TSHZ2: variants seen among roughly 807,000 people sequenced by gnomAD.
TSHZ2 encodes teashirt homolog 2.
TSHZ2 carries 21 observed loss-of-function variants against 74.4 expected under a neutral mutation model. That is an observed-to-expected ratio of 0.28 (90% CI 0.20 to 0.41). The LOEUF (loss-of-function observed/expected upper bound fraction) is 0.41. TSHZ2 is among the 10% of genes least tolerant of loss of function. The pLI is 1.00. For synonymous variants in TSHZ2, 540 were observed against 515.3 expected (o/e 1.05, Z -0.65); for missense variants, 1,244 against 1,293.5 (o/e 0.96, Z 0.59).
intron 1 of TSHZ2, among the ~76,000 whole-genome samples, chr20:53,065,804 G>C (rs970711217): frequency 6.6e-6 from 1 of 152,158 alleles, no homozygotes; most frequent in African/African-American, 2.4e-5. Context: ...TTTCACAACT[G>C]AATTAAATTC....
At chr20:53,172,999 G>A (rs888984372) in intron 1 of TSHZ2, among the ~76,000 whole-genome samples, 2 of 152,138 alleles carry the variant, frequency 1.3e-5, no homozygotes, top group Admixed American at 6.5e-5. Context: ...TCAATTTCCT[G>A]TTCTGTACAG....
chr20:53,073,383 TTCA>T (rs1404915063), intron 1 of TSHZ2, among the ~76,000 whole-genome samples: 1 of 140,802 alleles, frequency 7.1e-6, no homozygotes, highest in Non-Finnish European at 1.6e-5. Flanking sequence ...CCTCCATCCA[TTCA>T]TCATTTAATC....
chr20:53,472,178 GCTA>G (rs1033111966), intron 2 of TSHZ2, among the ~76,000 whole-genome samples: 4 of 152,184 alleles, frequency 2.6e-5, no homozygotes, highest in Non-Finnish European at 5.9e-5. Context: ...CACTTTGTTT[GCTA>G]TATGGAAAGT....
Position 53,212,848 on chromosome 20 carries a change from G to A in TSHZ2, c.41-40651G>A, listed in dbSNP as rs188720728. ...GTCTTATTTTTCAGAATTGGCTCAG[G>A]AACCCATCCCTGGACCACTCCTTGG... On this transcript the variant is annotated intron_variant, in intron 1 of 2. Transcript: ENST00000371497. Among the ~76,000 whole-genome samples the A allele has an allele frequency of 2.6e-3, 403 of 152,252 alleles. 6 individuals are homozygous for A. The highest frequency in any genetic ancestry group is 9.5e-3 in the African/African-American group (394 of 41,540).
intron 1 of TSHZ2, among the ~76,000 whole-genome samples, chr20:52,994,029 G>A (rs1463209903): frequency 6.6e-6 from 1 of 152,222 alleles, no homozygotes; most frequent in African/African-American, 2.4e-5. Context: ...AAACTGCTTG[G>A]AGGAAGAAGG....
chr20:53,337,650 C>T (rs965059001), intron 2 of TSHZ2, among the ~76,000 whole-genome samples: 3 of 152,168 alleles, frequency 2.0e-5, no homozygotes, highest in Non-Finnish European at 4.4e-5. Context: ...TGAACAACCA[C>T]GTGTGGCTCA....
chr20:53,469,244 A>G (rs534014521), intron 2 of TSHZ2, among the ~76,000 whole-genome samples: 2 of 151,492 alleles, frequency 1.3e-5, no homozygotes, highest in East Asian at 3.9e-4. Context: ...TATGTGGTGG[A>G]TCAAAAATGA....
chr20:53,310,091 A>C (rs1457075166), intron 2 of TSHZ2, among the ~76,000 whole-genome samples: 1 of 152,268 alleles, frequency 6.6e-6, no homozygotes, highest in Non-Finnish European at 1.5e-5. Flanking sequence ...TATTCTAAAG[A>C]ACATGCTTTG....
chr20:53,331,570 C>T (rs1218752613), intron 2 of TSHZ2, among the ~76,000 whole-genome samples: 1 of 152,032 alleles, frequency 6.6e-6, no homozygotes, highest in Non-Finnish European at 1.5e-5. Flanking sequence ...ACAAAAGAGC[C>T]AGGCGTAGAG....
intron 2 of TSHZ2, among the ~76,000 whole-genome samples, chr20:53,267,336 G>A (rs1216551673): frequency 2.0e-5 from 3 of 152,246 alleles, no homozygotes; most frequent in African/African-American, 7.2e-5. Context: ...CTGAAAGAAA[G>A]CCAGTGAGCT....
chr20:53,183,838 T>C lies in TSHZ2; in HGVS notation c.41-69661T>C, dbSNP rs542397504. On this transcript the variant is annotated intron_variant, in intron 1 of 2. Coordinates refer to ENST00000371497, the MANE Select transcript of TSHZ2 (RefSeq NM_173485.6). ...TAGAGTAGCCAGGATGGGTCAACCA[T>C]TCGAAGGAAACAAAGGTGTGAGAGC... Among the ~76,000 whole-genome samples, 3 of 152,316 alleles carry C rather than the reference T, an allele frequency of 2.0e-5. No individual in the cohort carries two copies. In the East Asian group the frequency reaches 5.8e-4, roughly 29 times the overall value.
chr20:53,281,256 A>G (rs1463548681), intron 2 of TSHZ2, among the ~76,000 whole-genome samples: 2 of 152,226 alleles, frequency 1.3e-5, no homozygotes, highest in African/African-American at 4.8e-5. Flanking sequence ...TGAGACCTAA[A>G]TAATGAGAAG....
intron 1 of TSHZ2, among the ~76,000 whole-genome samples, chr20:53,139,872 T>A (rs1987343893): frequency 1.3e-5 from 2 of 152,228 alleles, no homozygotes; most frequent in Admixed American, 1.3e-4. Context: ...AGAAGCTTTT[T>A]TGCATGTTTC....
chr20:53,189,469 A>G (rs1988677463), intron 1 of TSHZ2, among the ~76,000 whole-genome samples: 1 of 152,252 alleles, frequency 6.6e-6, no homozygotes, highest in Non-Finnish European at 1.5e-5. Flanking sequence ...AGAAACATTA[A>G]TAATGGTACC....
rs182823602 is a variant in TSHZ2 at position 53,110,595 on chromosome 20, A to G, written c.40+137262A>G. Among the ~76,000 whole-genome samples the G allele has an allele frequency of 5.3e-4, 80 of 152,350 alleles. 1 individual carries two copies. The South Asian group carries it at 0.016, about 30-fold the overall frequency. ...AATGTTAAGAAGATACGTGATCAAC[A>G]AGGAAGGCAGGCCAACGTCTGTTGG... is the stretch of plus-strand genomic sequence containing the variant. On this transcript the variant is annotated intron_variant, in intron 1 of 2. Coordinates refer to ENST00000371497, the MANE Select transcript of TSHZ2 (RefSeq NM_173485.6).
chr20:53,233,658 T>A (rs929630453), intron 1 of TSHZ2, among the ~76,000 whole-genome samples: 1 of 152,170 alleles, frequency 6.6e-6, no homozygotes, highest in East Asian at 1.9e-4. Flanking sequence ...ATTTTCCTCA[T>A]CTCAAACAAT....
chr20:53,246,040 C>CTTTTTTTTTTTTTT (rs57243805), intron 1 of TSHZ2, among the ~76,000 whole-genome samples: 39 of 130,606 alleles, frequency 3.0e-4, no homozygotes, highest in South Asian at 4.6e-4. Flanking sequence ...TTCTTTCTTT[C>CTTTTTTTTTTTTTT]TTTTTTTTTT....
At chr20:53,280,739 C>A (rs368011208) in intron 2 of TSHZ2, among the ~76,000 whole-genome samples, 2 of 151,934 alleles carry the variant, frequency 1.3e-5, no homozygotes, top group Non-Finnish European at 2.9e-5. Flanking sequence ...GTCGTCCAGG[C>A]TGGAGTACAG....
intron 2 of TSHZ2, among the ~76,000 whole-genome samples, chr20:53,322,980 A>G (rs1242337330): frequency 6.6e-6 from 1 of 152,206 alleles, no homozygotes; most frequent in Non-Finnish European, 1.5e-5. Flanking sequence ...GGGTTGTAGA[A>G]GAAGGTAACC....
Sources: gnomAD v4.1 joint callset for allele counts (sites outside exome capture counted in the v4.1 genomes callset) on GRCh38, gnomAD v4.1.1 for gene constraint, MANE v1.5 for transcripts, NCBI Gene and HGNC (gene_info 2026-07-23, HGNC 2026-07-21) for gene names.